Variants in TNIK observed in about 807,000 individuals in gnomAD.
TNIK encodes TRAF2 and NCK interacting kinase.
Under a neutral mutation model 191.3 loss-of-function variants are expected in TNIK, and 49 were observed. The ratio of observed to expected loss-of-function variants is 0.26; its 90% CI spans 0.20 to 0.32. The LOEUF is 0.32. Among genes scored for constraint, TNIK ranks in the 10% least tolerant of loss-of-function variants. The pLI is 1.00. For synonymous variants in TNIK, 594 were observed against 600.9 expected (o/e 0.99, Z 0.17); for missense variants, 1,155 against 1,702.3 (o/e 0.68, Z 5.66).
chr3:171,293,603 C>T (rs1160612684), intron 2 of TNIK, among the ~76,000 whole-genome samples: 1 of 152,210 alleles, frequency 6.6e-6, no homozygotes, highest in Non-Finnish European at 1.5e-5. Flanking sequence ...ACAGAGACAA[C>T]AGGTCTCATG....
rs113738205 is a variant in TNIK at position 171,279,541 on chromosome 3, C to T, written c.124-51320G>A. Among the ~76,000 whole-genome samples the T allele has an allele frequency of 4.2e-3, 646 of 152,280 alleles. 2 individuals are homozygous for T. Among genetic ancestry groups the T allele is most frequent in the African/African-American group, 0.015 (623 of 41,544 alleles). On this transcript the variant is annotated intron_variant, in intron 2 of 32. Transcript: ENST00000436636. ...ACATGATTGTGCCACATAGCCACCCCCTTGCCAACTCTGGCTATTGGCATC... is the reference window on the plus strand; with the variant it reads ...ACATGATTGTGCCACATAGCCACCCTCTTGCCAACTCTGGCTATTGGCATC...
intron 2 of TNIK, among the ~76,000 whole-genome samples, chr3:171,313,889 G>T (rs1251810095): frequency 6.6e-6 from 1 of 152,000 alleles, no homozygotes; most frequent in African/African-American, 2.4e-5. Context: ...CTTTCATCCG[G>T]GCACGGTATG....
At chr3:171,234,797 C>T (rs887823439) in intron 2 of TNIK, among the ~76,000 whole-genome samples, 17 of 152,306 alleles carry the variant, frequency 1.1e-4, no homozygotes, top group Non-Finnish European at 2.1e-4. Flanking sequence ...AGGAAAGACA[C>T]GCACAGCTGA....
At chr3:171,140,617 T>G (rs2292006) in intron 12 of TNIK, 108 bp from the exon 13 acceptor site, 711,022 of 955,710 alleles carry the variant, frequency 0.74, 265,984 homozygotes, top group Admixed American at 0.77. Context: ...TTTAATGAGA[T>G]ATGCCTAAAT....
intron 3 of TNIK, among the ~76,000 whole-genome samples, chr3:171,214,022 A>G (rs1040918945): frequency 3.3e-5 from 5 of 152,280 alleles, no homozygotes; most frequent in African/African-American, 9.6e-5. Context: ...TTAGGTTTAA[A>G]TTGCACTGTT....
intron 3 of TNIK, 35 bp from the exon 4 acceptor site, chr3:171,211,276 A>C (rs370452218): frequency 1.3e-6 from 2 of 1,571,362 alleles, no homozygotes; most frequent in South Asian, 2.4e-5. Context: ...CTGTCATGAA[A>C]ATCTATGGTT....
chr3:171,280,708 G>A (rs1382773838), intron 2 of TNIK, among the ~76,000 whole-genome samples: 14 of 150,038 alleles, frequency 9.3e-5, no homozygotes, highest in African/African-American at 3.2e-4. Flanking sequence ...ACCAAAAGAT[G>A]AAATAAAAGC....
chr3:171,246,064 T>C (rs1385197467), intron 2 of TNIK, among the ~76,000 whole-genome samples: 1 of 151,938 alleles, frequency 6.6e-6, no homozygotes, highest in Non-Finnish European at 1.5e-5. Context: ...GGAAAGGAGC[T>C]ATGTGTGAGT....
At chr3:171,417,243 A>G (rs1162997657) in intron 1 of TNIK, among the ~76,000 whole-genome samples, 2 of 152,202 alleles carry the variant, frequency 1.3e-5, no homozygotes, top group Non-Finnish European at 1.5e-5. Flanking sequence ...TTCAATGTAT[A>G]AAATATTCAA....
intron 1 of TNIK, among the ~76,000 whole-genome samples, chr3:171,389,581 AT>A (rs1398068787): frequency 1.3e-5 from 2 of 152,220 alleles, no homozygotes; most frequent in Non-Finnish European, 2.9e-5. Context: ...TTACATGCCC[AT>A]TAAACCCATC....
At chr3:171,343,510 G>A (rs1711639283) in intron 2 of TNIK, among the ~76,000 whole-genome samples, 1 of 152,154 alleles carries the variant, frequency 6.6e-6, no homozygotes, top group Admixed American at 6.5e-5. Context: ...CAGGATGGAG[G>A]GAGTACAGAA....
intron 2 of TNIK, among the ~76,000 whole-genome samples, chr3:171,243,440 A>C (rs1311678664): frequency 6.7e-6 from 1 of 149,486 alleles, no homozygotes; most frequent in Non-Finnish European, 1.5e-5. Context: ...AAAAAAAAAA[A>C]CACCTTCTTA....
At chr3:171,190,675 G>A in intron 6 of TNIK, 22 bp downstream of exon 6, 1 of 1,549,218 alleles carries the variant, frequency 6.5e-7, no homozygotes, top group Non-Finnish European at 8.8e-7. Flanking sequence ...CAATTCCAAG[G>A]CTCACAGGAT....
intron 25 of TNIK, among the ~76,000 whole-genome samples, chr3:171,084,634 T>C (rs1436346884): frequency 1.3e-5 from 2 of 152,196 alleles, no homozygotes; most frequent in Non-Finnish European, 2.9e-5. Flanking sequence ...CTTTTTAAAA[T>C]TGCAGTTTAT....
At chr3:171,289,588 A>G (rs1439806660) in intron 2 of TNIK, among the ~76,000 whole-genome samples, 1 of 152,206 alleles carries the variant, frequency 6.6e-6, no homozygotes, top group African/African-American at 2.4e-5. Context: ...AATTTTTAGA[A>G]TAGGGATTCA....
At chr3:171,386,499 G>A (rs560778023) in intron 1 of TNIK, among the ~76,000 whole-genome samples, 5 of 152,138 alleles carry the variant, frequency 3.3e-5, no homozygotes, top group Admixed American at 6.6e-5. Flanking sequence ...AGAATCTCTA[G>A]GGTTTCCAGT....
chr3:171,115,949 T>C (rs16855851), intron 18 of TNIK, among the ~76,000 whole-genome samples: 3,307 of 152,250 alleles, frequency 0.022, 115 homozygotes, highest in African/African-American at 0.069. Context: ...GTGAAGCTAA[T>C]TGGATCCCAT....
intron 22 of TNIK, among the ~76,000 whole-genome samples, chr3:171,094,693 C>T (rs1434708046): frequency 1.3e-5 from 2 of 152,184 alleles, no homozygotes; most frequent in Non-Finnish European, 2.9e-5. Flanking sequence ...TCTTTCCACT[C>T]TGGCCTTGGT....
chr3:171,178,338 C>T (rs774645520), intron 7 of TNIK, among the ~76,000 whole-genome samples: 8 of 152,130 alleles, frequency 5.3e-5, no homozygotes, highest in Non-Finnish European at 1.2e-4. Flanking sequence ...TGATGTCTCT[C>T]TTGTGCTTAG....
Sources: gnomAD v4.1 joint callset for allele counts (sites outside exome capture counted in the v4.1 genomes callset) on GRCh38, gnomAD v4.1.1 for gene constraint, MANE v1.5 for transcripts, NCBI Gene and HGNC (gene_info 2026-07-23, HGNC 2026-07-21) for gene names.